The following ZFPM1 variants were observed in gnomAD, a reference collection of about 807,000 sequenced individuals.
The protein encoded by ZFPM1 is zinc finger protein ZFPM1.
A neutral mutation model predicts 46.3 loss-of-function variants in ZFPM1; 28 were observed. The observed-to-expected ratio is 0.60, with a 90% confidence interval of 0.45 to 0.83. The LOEUF is 0.83. ZFPM1 is among the 40% of genes least tolerant of loss of function. The probability of loss-of-function intolerance (pLI) is 0.00; values close to 1 mark genes in which losing one functional copy is unlikely to be tolerated. For synonymous variants in ZFPM1, 957 were observed against 675.9 expected (o/e 1.42, Z -6.45); for missense variants, 1,878 against 1,432.4 (o/e 1.31, Z -5.02).
intron 1 of ZFPM1, among the ~76,000 whole-genome samples, chr16:88,468,434 G>A (rs1353935923): frequency 1.3e-5 from 2 of 152,210 alleles, no homozygotes; most frequent in African/African-American, 4.8e-5. Flanking sequence ...CCCCACAGGA[G>A]AAAAGAGGCC....
At chr16:88,524,433 C>G (rs1161983742) in intron 4 of ZFPM1, among the ~76,000 whole-genome samples, 2 of 152,232 alleles carry the variant, frequency 1.3e-5, no homozygotes, top group African/African-American at 4.8e-5. Flanking sequence ...CTCTGCGGCC[C>G]TGGGAATCAC....
Position 88,534,823 on chromosome 16 carries a change from G to A in ZFPM1, c.2865G>A (p.Lys955=), listed in dbSNP as rs141626642. 1,408 of 1,534,832 alleles carry A rather than the reference G, an allele frequency of 9.2e-4. 17 individuals carry two copies. In the African/African-American group the frequency reaches 0.017, roughly 19 times the overall value. Residue 955 remains lysine, a synonymous_variant, in exon 10 of 10, where the codon AAG becomes AAA. Transcript: ENST00000319555. ...CGGCGCCCCCCTCCTACTCGGACAA[G>A]GGCGTCCAGACTCCCAGCAAGGGCA... is the stretch of plus-strand genomic sequence containing the variant. The part of the protein sequence containing the change: ...PPPAPPSYSD[K]GVQTPSKGTP...
At chr16:88,511,812 A>C (rs1045512541) in intron 3 of ZFPM1, among the ~76,000 whole-genome samples, 1 of 152,126 alleles carries the variant, frequency 6.6e-6, no homozygotes, top group African/African-American at 2.4e-5. Context: ...TGCTCCCCTT[A>C]CCAATCCAGG....
rs777721913 is a variant in ZFPM1, at chr16:88,533,131, C to T, written c.1190-17C>T. The T allele has an allele frequency of 6.8e-7, 1 of 1,476,662 alleles. No homozygotes were observed. Among genetic ancestry groups the T allele is most frequent in the Non-Finnish European group, 8.9e-7 (1 of 1,118,830 alleles). 91.5% of individuals were successfully genotyped at this position (1,476,662 alleles called of 1,614,324 possible). ...CTGCCCCAGGCCTGAGGTGCCACCC[C>T]TGCGATCTCTCTGCAGACAGTCTGG... On this transcript the variant is annotated splice_polypyrimidine_tract_variant and intron_variant, in intron 9 of 9. Transcript: ENST00000319555.
At chr16:88,498,376 C>T (rs1032575343) in intron 3 of ZFPM1, among the ~76,000 whole-genome samples, 3 of 152,144 alleles carry the variant, frequency 2.0e-5, no homozygotes, top group Non-Finnish European at 1.5e-5. Flanking sequence ...ATGGGCCTGC[C>T]CTGGACGTGT....
intron 1 of ZFPM1, among the ~76,000 whole-genome samples, chr16:88,456,579 G>A (rs1907570962): frequency 6.6e-6 from 1 of 152,116 alleles, no homozygotes; most frequent in African/African-American, 2.4e-5. Context: ...GGGAGCAGGG[G>A]GCACGTCAGG....
At chr16:88,476,129 C>A (rs1308489444) in intron 1 of ZFPM1, among the ~76,000 whole-genome samples, 1 of 152,126 alleles carries the variant, frequency 6.6e-6, no homozygotes, top group African/African-American at 2.4e-5. Flanking sequence ...TTGCCATGGG[C>A]ACCTTCGGCC....
chr16:88,494,974 C>A (rs1328446815), intron 3 of ZFPM1, among the ~76,000 whole-genome samples: 1 of 152,240 alleles, frequency 6.6e-6, no homozygotes, highest in South Asian at 2.1e-4. Flanking sequence ...GGGGCGGCTG[C>A]TTAAGATTCT....
rs770965096 is a variant in ZFPM1 at position 88,532,013 on chromosome 16, C to T, written c.724C>T (p.Pro242Ser). The change falls in exon 7 of 10, where the codon CCC becomes TCC. Residue 242 changes from proline (P) to serine (S), a missense_variant. Physicochemically the swap from Pro to Ser is moderately conservative, Grantham distance 74 (BLOSUM62 -1). Transcript: ENST00000319555. ...TTCCCACCCCACAGAAGACGTCTTC[C>T]CCTGCAAGGACTGTGGCATCTGGTA... ...ATAVINKDVF[P>S]CKDCGIWYRS... 9 of 1,604,284 alleles carry T rather than the reference C, an allele frequency of 5.6e-6. No homozygotes were observed. Among genetic ancestry groups the T allele is most frequent in the Non-Finnish European group, 5.1e-6 (6 of 1,173,672 alleles).
chr16:88,499,549 C>A (rs1180109771), intron 3 of ZFPM1, among the ~76,000 whole-genome samples: 2 of 152,226 alleles, frequency 1.3e-5, no homozygotes, highest in Non-Finnish European at 1.5e-5. Context: ...CAGGGCGGAG[C>A]CTGGTGCCTA....
chr16:88,486,181 C>G, intron 2 of ZFPM1, 138 bp downstream of exon 2: 2 of 914,326 alleles, frequency 2.2e-6, no homozygotes, highest in Non-Finnish European at 3.3e-6. Flanking sequence ...CGTCTTCCAG[C>G]CAGAGGCCTG....
chr16:88,509,696 A>G (rs1308611096), intron 3 of ZFPM1, among the ~76,000 whole-genome samples: 1 of 152,012 alleles, frequency 6.6e-6, no homozygotes, highest in African/African-American at 2.4e-5. Context: ...GACTGAGCAG[A>G]GTGGGTTCAG....
chr16:88,499,520 G>C (rs1910131602), intron 3 of ZFPM1, among the ~76,000 whole-genome samples: 1 of 152,200 alleles, frequency 6.6e-6, no homozygotes, highest in Non-Finnish European at 1.5e-5. Context: ...CAGGGGGCAG[G>C]CAGGACCGCG....
chr16:88,488,294 G>C (rs957736340), intron 2 of ZFPM1, among the ~76,000 whole-genome samples: 6 of 152,144 alleles, frequency 3.9e-5, no homozygotes, highest in African/African-American at 9.7e-5. Flanking sequence ...CCGCATGGGG[G>C]CGGGGGTGGG....
chr16:88,474,123 C>G (rs953369631), intron 1 of ZFPM1, among the ~76,000 whole-genome samples: 2 of 152,206 alleles, frequency 1.3e-5, no homozygotes, highest in Non-Finnish European at 1.5e-5. Flanking sequence ...GCGGCGGCTC[C>G]GGCTGAAACC....
Position 88,534,995 on chromosome 16 carries a change from C to G in ZFPM1, c.*16C>G. The G allele has an allele frequency of 7.2e-7, 1 of 1,386,152 alleles. No homozygotes were observed. The allele number at this position is 1,386,152 out of a possible 1,614,324, so 85.9% of individuals were successfully genotyped here. ...CGTGAAGTGAGCGCCCACACTACAG[C>G]CGCAGACGCTTTGCACGCCCCGCTG... is the stretch of plus-strand genomic sequence containing the variant. On this transcript the variant is annotated 3_prime_UTR_variant, in exon 10 of 10. Transcript: ENST00000319555.
At chr16:88,531,873 C>A in intron 6 of ZFPM1, 129 bp from the exon 7 acceptor site, 1 of 868,450 alleles carries the variant, frequency 1.2e-6, no homozygotes, top group Non-Finnish European at 1.8e-6. Context: ...AGGAAGGGGT[C>A]AAAGCCTCAG....
chr16:88,536,864 A>C lies in ZFPM1; in HGVS notation c.*1885A>C, dbSNP rs1913266051. The C allele has an allele frequency of 6.6e-6, 1 of 152,190 alleles. No homozygotes were observed. Among genetic ancestry groups the C allele is most frequent in the African/African-American group, 2.4e-5 (1 of 41,420 alleles). 9.4% of individuals were successfully genotyped at this position (152,190 alleles called of 1,614,324 possible). A position where few individuals can be genotyped will look rare whatever the true frequency, so the allele number is the denominator to read the frequency against. The stretch of plus-strand genomic sequence containing the variant: ...CCCCTCAAGTCTGCTCATCATTTGC[A>C]TTGTTGTGCATGAATTTGCGTGGAG... On this transcript the variant is annotated 3_prime_UTR_variant, in exon 10 of 10. Coordinates refer to ENST00000319555, the MANE Select transcript of ZFPM1 (RefSeq NM_153813.3).
intron 3 of ZFPM1, among the ~76,000 whole-genome samples, chr16:88,502,227 C>T (rs1182609500): frequency 6.6e-6 from 1 of 152,112 alleles, no homozygotes; most frequent in African/African-American, 2.4e-5. Flanking sequence ...GGGCCGCCAT[C>T]GGCTCGAGGG....
Sources: allele counts gnomAD v4.1 joint callset (sites outside exome capture counted in the v4.1 genomes callset), GRCh38; gene constraint gnomAD v4.1.1; transcripts MANE v1.5; gene names NCBI Gene and HGNC (gene_info 2026-07-23, HGNC 2026-07-21).